GRIN2A: variants seen among roughly 807,000 people sequenced by gnomAD.
GRIN2A encodes glutamate ionotropic receptor NMDA type subunit 2A, also known as glutamate receptor ionotropic, NMDA 2A.
Under a neutral mutation model 113.4 loss-of-function variants are expected in GRIN2A, and 22 were observed. That is an observed-to-expected ratio of 0.19 (90% CI 0.14 to 0.28). The LOEUF is 0.28. Among genes scored for constraint, GRIN2A ranks in the 10% least tolerant of loss-of-function variants. The probability of loss-of-function intolerance (pLI) is 1.00; values close to 1 mark genes in which losing one functional copy is unlikely to be tolerated. For synonymous variants in GRIN2A, 827 were observed against 738.4 expected (o/e 1.12, Z -1.94); for missense variants, 1,502 against 1,887.0 (o/e 0.80, Z 3.78).
chr16:10,067,244 G>T (rs2047667036), intron 2 of GRIN2A, among the ~76,000 whole-genome samples: 1 of 152,048 alleles, frequency 6.6e-6, no homozygotes, highest in Non-Finnish European at 1.5e-5. Context: ...CAAAACAGCA[G>T]GAAATAATTT....
chr16:9,962,868 AC>A (rs1205860437), intron 2 of GRIN2A, among the ~76,000 whole-genome samples: 1 of 152,072 alleles, frequency 6.6e-6, no homozygotes, highest in African/African-American at 2.4e-5. Flanking sequence ...CTTGAAACCA[AC>A]CCAAATGTCC....
rs71157796 is a variant in GRIN2A, at chr16:9,979,785, C to CTATATATATATATATATATATA, written c.415-41256_415-41235dup. On this transcript the variant is annotated intron_variant, in intron 2 of 12. Transcript: ENST00000330684. ...TATATACATATAAGGGACTATGGGACTATATATATATATATATATATATAT... is the reference window on the plus strand; with the variant it reads ...TATATACATATAAGGGACTATGGGACTATATATATATATATATATATATATATATATATATATATATATATAT... Among the ~76,000 whole-genome samples the CTATATATATATATATATATATA allele has an allele frequency of 7.8e-3, 946 of 121,950 alleles. 8 individuals are homozygous for CTATATATATATATATATATATA. Among genetic ancestry groups the CTATATATATATATATATATATA allele is most frequent in the East Asian group, 0.017 (58 of 3,336 alleles). 80.0% of individuals were successfully genotyped at this position (121,950 alleles called of 152,430 possible).
intron 2 of GRIN2A, among the ~76,000 whole-genome samples, chr16:10,114,009 C>T (rs906964505): frequency 1.3e-5 from 2 of 151,086 alleles, no homozygotes; most frequent in Non-Finnish European, 2.9e-5. Flanking sequence ...CAAAGACCCT[C>T]GTTCTTAAAA....
chr16:10,110,511 G>T (rs1226485287), intron 2 of GRIN2A, among the ~76,000 whole-genome samples: 2 of 152,224 alleles, frequency 1.3e-5, no homozygotes, highest in African/African-American at 4.8e-5. Context: ...TACCAATGAG[G>T]AAGCTATTGG....
intron 11 of GRIN2A, among the ~76,000 whole-genome samples, chr16:9,770,648 G>C (rs1217312728): frequency 6.6e-6 from 1 of 152,236 alleles, no homozygotes; most frequent in East Asian, 1.9e-4. Context: ...ATGTGGGTTT[G>C]TTTTATTGGT....
intron 2 of GRIN2A, among the ~76,000 whole-genome samples, chr16:10,116,173 C>A (rs1396866989): frequency 6.6e-6 from 1 of 152,172 alleles, no homozygotes; most frequent in African/African-American, 2.4e-5. Context: ...TTTGCAGGGA[C>A]ATGGATGAAG....
At position 9,938,171 on chromosome 16, in the gene GRIN2A, C is replaced by T. The variant is rs1250406793; in HGVS notation, c.795G>A (p.Thr265=). 17 of 1,613,920 alleles carry T rather than the reference C, an allele frequency of 1.1e-5. No individual in the cohort carries two copies. The highest frequency in any genetic ancestry group is 2.2e-5 in the East Asian group (1 of 44,850). Reference sequence around the variant, plus strand: ...ATGGAAACTCTTTTGGGATGAGCTCCGTGTTCCCAGAGACCAAGCTGGGGA... The same window carrying T: ...ATGGAAACTCTTTTGGGATGAGCTCTGTGTTCCCAGAGACCAAGCTGGGGA... ...WIVPSLVSGN[T]ELIPKEFPSG... Residue 265 remains threonine, a synonymous_variant, in exon 3 of 13, where the codon ACG becomes ACA. Coordinates refer to ENST00000330684, the MANE Select transcript of GRIN2A (RefSeq NM_001134407.3).
chr16:10,090,801 T>A (rs2048170816), intron 2 of GRIN2A, among the ~76,000 whole-genome samples: 1 of 152,004 alleles, frequency 6.6e-6, no homozygotes, highest in African/African-American at 2.4e-5. Context: ...GATAAAGAAC[T>A]GTATCAAAAA....
chr16:9,930,593 A>G (rs949194724), intron 3 of GRIN2A, among the ~76,000 whole-genome samples: 3 of 152,190 alleles, frequency 2.0e-5, no homozygotes, highest in Admixed American at 1.3e-4. Context: ...GCCTGATTTC[A>G]CTGCGAGAAG....
chr16:10,113,526 T>C (rs2048668006), intron 2 of GRIN2A, among the ~76,000 whole-genome samples: 1 of 152,252 alleles, frequency 6.6e-6, no homozygotes, highest in Non-Finnish European at 1.5e-5. Flanking sequence ...AGTTGAAGGC[T>C]TTAACTTTGC....
intron 5 of GRIN2A, 44 bp from the exon 6 acceptor site, chr16:9,841,148 G>A (rs770662233): frequency 3.3e-6 from 5 of 1,505,602 alleles, no homozygotes; most frequent in Non-Finnish European, 4.6e-6. Flanking sequence ...AGCACTGGAA[G>A]GTTTGTTCAC....
chr16:9,957,989 C>T (rs1433653862), intron 2 of GRIN2A, among the ~76,000 whole-genome samples: 1 of 152,206 alleles, frequency 6.6e-6, no homozygotes, highest in Non-Finnish European at 1.5e-5. Context: ...CTTCTCTAGT[C>T]TTTCCTCTCA....
chr16:9,781,602 C>G (rs369557697), intron 11 of GRIN2A, among the ~76,000 whole-genome samples: 1 of 152,112 alleles, frequency 6.6e-6, no homozygotes, highest in East Asian at 1.9e-4. Context: ...CTCAAGCAAT[C>G]CCCCCACCTT....
In GRIN2A at chr16:10,115,399, G is replaced by A. The variant is rs554148163; in HGVS notation, c.414+64599C>T. Among the ~76,000 whole-genome samples, 14 of 152,262 alleles carry A rather than the reference G, an allele frequency of 9.2e-5. No individual in the cohort carries two copies. In the South Asian group the frequency reaches 2.9e-3, roughly 32 times the overall value. ...AGGTAGTAGGAGAGATGCTTAAACAGGAAGAGACAGAAGCTCTCCTTGTTG... is the reference window on the plus strand; with the variant it reads ...AGGTAGTAGGAGAGATGCTTAAACAAGAAGAGACAGAAGCTCTCCTTGTTG... On this transcript the variant is annotated intron_variant, in intron 2 of 12. Transcript: ENST00000330684.
chr16:9,792,030 G>A (rs1902635818), intron 11 of GRIN2A, among the ~76,000 whole-genome samples: 1 of 151,662 alleles, frequency 6.6e-6, no homozygotes, highest in South Asian at 2.1e-4. Context: ...AATTATTGCT[G>A]GCAAAAGTTG....
chr16:10,154,700 C>T (rs906352945), intron 2 of GRIN2A, among the ~76,000 whole-genome samples: 15 of 152,228 alleles, frequency 9.9e-5, no homozygotes, highest in South Asian at 4.1e-4. Flanking sequence ...AGTATAGGAA[C>T]GGCACCTAAT....
intron 2 of GRIN2A, among the ~76,000 whole-genome samples, chr16:10,113,452 G>A (rs1054498023): frequency 9.2e-5 from 14 of 152,142 alleles, no homozygotes; most frequent in African/African-American, 1.2e-4. Context: ...GCTCATGGCC[G>A]CCTGCCCATC....
rs1903244503 is a variant in GRIN2A, at chr16:9,799,797, G to GTA, written c.2169-1335_2169-1334dup. On this transcript the variant is annotated intron_variant, in intron 10 of 12. Transcript: ENST00000330684. Reference sequence around the variant, plus strand: ...TTTTGATACACTTATTTTTATTGAGGTATAACGTATGTGTAATAAAATGCT... The same window carrying GTA: ...TTTTGATACACTTATTTTTATTGAGGTATATAACGTATGTGTAATAAAATGCT... Among the ~76,000 whole-genome samples, 3 of 152,030 alleles carry GTA rather than the reference G, an allele frequency of 2.0e-5. No homozygotes were observed. In the South Asian group the frequency reaches 6.3e-4, roughly 32 times the overall value.
At chr16:9,918,101 C>T (rs1379664582) in intron 3 of GRIN2A, among the ~76,000 whole-genome samples, 1 of 152,170 alleles carries the variant, frequency 6.6e-6, no homozygotes, top group Non-Finnish European at 1.5e-5. Context: ...CTCACAAACT[C>T]CCCCACTGTG....
Sources: gnomAD v4.1 joint callset for allele counts (sites outside exome capture counted in the v4.1 genomes callset) on GRCh38, gnomAD v4.1.1 for gene constraint, MANE v1.5 for transcripts, NCBI Gene and HGNC (gene_info 2026-07-23, HGNC 2026-07-21) for gene names.